TENM3: variants seen among roughly 807,000 people sequenced by gnomAD.
The protein encoded by TENM3 is teneurin transmembrane protein 3, also known as teneurin-3.
TENM3 carries 63 observed loss-of-function variants against 255.1 expected under a neutral mutation model. That is an observed-to-expected ratio of 0.25 (90% CI 0.20 to 0.30). The LOEUF (loss-of-function observed/expected upper bound fraction) is 0.30. TENM3 is among the 10% of genes least tolerant of loss of function. TENM3 has a pLI of 1.00. For synonymous variants in TENM3, 1,306 were observed against 1,322.3 expected (o/e 0.99, Z 0.27); for missense variants, 2,929 against 3,461.1 (o/e 0.85, Z 3.86).
At chr4:181,947,550 G>A in the TENM3 span, among the ~76,000 whole-genome samples, 1 of 152,104 alleles carries the variant, frequency 6.6e-6, no homozygotes, top group Non-Finnish European at 1.5e-5. Context: ...ACTGAGGAGT[G>A]TTACCATTCT....
intron 7 of TENM3, among the ~76,000 whole-genome samples, chr4:182,674,932 G>A (rs1030962640): frequency 5.3e-5 from 8 of 151,712 alleles, no homozygotes; most frequent in Middle Eastern, 3.2e-3. Context: ...GCTGGAGTGC[G>A]ATGGCATGAT....
At chr4:181,811,834 T>C in the TENM3 span, among the ~76,000 whole-genome samples, 1 of 152,054 alleles carries the variant, frequency 6.6e-6, no homozygotes, top group East Asian at 1.9e-4. Flanking sequence ...GAGATTTCGG[T>C]GGGGACACAG....
At chr4:181,724,525 T>C in the TENM3 span, among the ~76,000 whole-genome samples, 286 of 152,348 alleles carry the variant, frequency 1.9e-3, no homozygotes, top group Non-Finnish European at 3.1e-3. Flanking sequence ...TTATTTTTAA[T>C]AACACCTTGC....
the TENM3 span, among the ~76,000 whole-genome samples, chr4:181,535,344 C>T: frequency 2.6e-5 from 4 of 152,150 alleles, no homozygotes; most frequent in Admixed American, 6.5e-5. Context: ...ATTGGTCATG[C>T]AGCCTGCTCC....
the TENM3 span, among the ~76,000 whole-genome samples, chr4:182,090,240 C>T: frequency 6.6e-5 from 10 of 152,082 alleles, no homozygotes; most frequent in Admixed American, 1.3e-4. Context: ...AAAACACAGC[C>T]CCAGTCTCTG....
intron 1 of TENM3, among the ~76,000 whole-genome samples, chr4:182,192,663 C>T (rs559867334): frequency 6.6e-6 from 1 of 152,248 alleles, no homozygotes; most frequent in South Asian, 2.1e-4. Flanking sequence ...GTGTGGTTTC[C>T]ATTTATTCCC....
At chr4:182,172,354 A>G (rs538646069) in intron 1 of TENM3, among the ~76,000 whole-genome samples, 1 of 152,296 alleles carries the variant, frequency 6.6e-6, no homozygotes, top group African/African-American at 2.4e-5. Flanking sequence ...AAAGTTTGCA[A>G]TACAAAACAG....
chr4:181,563,900 A>T, the TENM3 span, among the ~76,000 whole-genome samples: 2 of 152,098 alleles, frequency 1.3e-5, no homozygotes, highest in Non-Finnish European at 2.9e-5. Flanking sequence ...ATTTTCTATC[A>T]TATTTCATTG....
At chr4:181,979,779 A>G in the TENM3 span, among the ~76,000 whole-genome samples, 1 of 152,254 alleles carries the variant, frequency 6.6e-6, no homozygotes, top group Admixed American at 6.5e-5. Flanking sequence ...GACTTGCTCA[A>G]CGTCATACAG....
intron 1 of TENM3, among the ~76,000 whole-genome samples, chr4:182,198,300 C>G (rs1449589823): frequency 6.6e-6 from 1 of 152,200 alleles, no homozygotes; most frequent in African/African-American, 2.4e-5. Flanking sequence ...CTTCGTTTAT[C>G]AGCCATTTAC....
intron 4 of TENM3, among the ~76,000 whole-genome samples, chr4:182,616,519 TAA>T (rs1561007878): frequency 1.8e-3 from 10 of 5,700 alleles, no homozygotes; most frequent in Non-Finnish European, 2.9e-3. Flanking sequence ...ACTTAAAGTA[TAA>T]TAAAAAAAAA....
chr4:182,025,271 G>T, the TENM3 span, among the ~76,000 whole-genome samples: 15 of 152,006 alleles, frequency 9.9e-5, no homozygotes, highest in African/African-American at 3.1e-4. Context: ...CTCGTGATCC[G>T]CCTGCCTCAG....
At chr4:181,529,344 C>T in the TENM3 span, among the ~76,000 whole-genome samples, 1 of 152,168 alleles carries the variant, frequency 6.6e-6, no homozygotes, top group African/African-American at 2.4e-5. Context: ...GAGAACTGCT[C>T]TTGGGCGATG....
intron 3 of TENM3, among the ~76,000 whole-genome samples, chr4:182,541,233 T>G (rs777884580): frequency 3.9e-5 from 6 of 152,218 alleles, no homozygotes; most frequent in Admixed American, 1.3e-4. Context: ...TAACATGACT[T>G]AACAGAGCAA....
chr4:182,658,423 T>C (rs182857519), intron 6 of TENM3, among the ~76,000 whole-genome samples: 44 of 152,306 alleles, frequency 2.9e-4, no homozygotes, highest in Admixed American at 1.4e-3. Context: ...TCTCTGTGCT[T>C]CCTAACTCTC....
the TENM3 span, among the ~76,000 whole-genome samples, chr4:181,633,824 C>G: frequency 6.6e-6 from 1 of 152,184 alleles, no homozygotes; most frequent in Admixed American, 6.5e-5. Context: ...TTTGTTCCCC[C>G]ACACAACCAG....
chr4:181,776,084 C>G, the TENM3 span, among the ~76,000 whole-genome samples: 1 of 152,106 alleles, frequency 6.6e-6, no homozygotes, highest in Non-Finnish European at 1.5e-5. Flanking sequence ...CCCCAACACA[C>G]CTTTTTCCAC....
At chr4:182,114,306 T>A in the TENM3 span, among the ~76,000 whole-genome samples, 1 of 82,012 alleles carries the variant, frequency 1.2e-5, no homozygotes, top group Non-Finnish European at 2.8e-5. Context: ...ATGAATGAAA[T>A]GCATAGAATT....
the TENM3 span, among the ~76,000 whole-genome samples, chr4:182,112,845 G>A: frequency 2.6e-5 from 4 of 152,102 alleles, no homozygotes; most frequent in African/African-American, 4.8e-5. Flanking sequence ...TCCTCCCTTG[G>A]ATAAATGCTG....
Sources: gnomAD v4.1 joint callset for allele counts (sites outside exome capture counted in the v4.1 genomes callset) on GRCh38, gnomAD v4.1.1 for gene constraint, MANE v1.5 for transcripts, NCBI Gene and HGNC (gene_info 2026-07-23, HGNC 2026-07-21) for gene names.